Variants in AIG1 observed in about 807,000 individuals in gnomAD.
The protein encoded by AIG1 is androgen induced 1.
A neutral mutation model predicts 31.4 loss-of-function variants in AIG1; 23 were observed. That is an observed-to-expected ratio of 0.73 (90% CI 0.53 to 1.04). The LOEUF is 1.04. AIG1 is among the 50% of genes least tolerant of loss of function. The pLI, the probability that AIG1 is intolerant of heterozygous loss-of-function variation, is 0.00. For missense variants in AIG1, 274 were observed against 295.0 expected, an observed-to-expected ratio of 0.93 and a Z score of 0.52; for synonymous variants, 100 against 110.5, an observed-to-expected ratio of 0.90 and a Z score of 0.60.
At chr6:143,252,754 A>G (rs1021233501) in intron 3 of AIG1, among the ~76,000 whole-genome samples, 20 of 152,334 alleles carry the variant, frequency 1.3e-4, no homozygotes, top group African/African-American at 4.8e-4. Flanking sequence ...CGATTTCTGT[A>G]GATCAGGATT....
rs1397316199 is a variant in AIG1, at chr6:143,292,004, C to T, written c.515+7779C>T. 1.3e-5 allele frequency among the ~76,000 whole-genome samples: 2 copies of T among 152,126 alleles called. No homozygotes were observed. The highest frequency in any genetic ancestry group is 1.3e-4 in the Admixed American group (2 of 15,268). On this transcript the variant is annotated intron_variant, in intron 4 of 5. Transcript: ENST00000357847. This position sits in a 1 kb window ranked among gnomAD's most constrained non-coding sequence, Gnocchi z 4.9. ...AGAAGAGAAGGCTATAGAAGAAATCCTGATAAGAGATGAAGTGGCCTGGAC... is the reference window on the plus strand; with the variant it reads ...AGAAGAGAAGGCTATAGAAGAAATCTTGATAAGAGATGAAGTGGCCTGGAC...
downstream of AIG1, chr6:143,342,392 A>G: frequency 1.4e-6 from 1 of 701,820 alleles, no homozygotes; most frequent in Non-Finnish European, 2.6e-6. Context: ...TTATTCAGAA[A>G]AAAATGTGGT....
At position 143,249,265 on chromosome 6, in the gene AIG1, C is replaced by T. The variant is rs191460716; in HGVS notation, c.400-34845C>T. Among the ~76,000 whole-genome samples the T allele has an allele frequency of 1.3e-4, 20 of 152,330 alleles. No individual in the cohort carries two copies. The East Asian group carries it at 3.9e-3, about 29-fold the overall frequency. ...AAAGGTTGGTTTGAAGCTCTTTCCT[C>T]AATACACTGTCAGTAACATAGTGAC... is the stretch of plus-strand genomic sequence containing the variant. On this transcript the variant is annotated intron_variant, in intron 3 of 5. Coordinates refer to ENST00000357847, the MANE Select transcript of AIG1 (RefSeq NM_016108.4).
At position 143,175,828 on chromosome 6, in the gene AIG1, C is replaced by T. The variant is rs111927042; in HGVS notation, c.399+10645C>T. Among the ~76,000 whole-genome samples the T allele has an allele frequency of 9.2e-3, 1,398 of 152,254 alleles. 16 individuals carry two copies. Among genetic ancestry groups the T allele is most frequent in the African/African-American group, 0.029 (1,184 of 41,540 alleles). On this transcript the variant is annotated intron_variant, in intron 3 of 5. Transcript: ENST00000357847. Reference sequence around the variant, plus strand: ...TGGCAATTCGGGGATTTCATCTTGGCTTGGATCCATTGCTGGTGAGCTACT... The same window carrying T: ...TGGCAATTCGGGGATTTCATCTTGGTTTGGATCCATTGCTGGTGAGCTACT...
At chr6:143,171,441 TAA>T (rs1491556127) in intron 3 of AIG1, among the ~76,000 whole-genome samples, 7 of 86,516 alleles carry the variant, frequency 8.1e-5, no homozygotes, top group African/African-American at 3.9e-4. Flanking sequence ...AATATATATA[TAA>T]TATATATATT....
At chr6:143,252,673 G>A (rs1795091678) in intron 3 of AIG1, among the ~76,000 whole-genome samples, 1 of 152,190 alleles carries the variant, frequency 6.6e-6, no homozygotes, top group Non-Finnish European at 1.5e-5. Context: ...TGGTTAGATC[G>A]TTTTCTGTTT....
At chr6:143,290,720 A>G (rs1371918000) in intron 4 of AIG1, among the ~76,000 whole-genome samples, 3 of 152,116 alleles carry the variant, frequency 2.0e-5, no homozygotes, top group South Asian at 2.1e-4. Flanking sequence ...CCGACTGACC[A>G]TCACCTGATG....
At chr6:143,322,897 T>A (rs983815661) in intron 4 of AIG1, among the ~76,000 whole-genome samples, 13 of 152,150 alleles carry the variant, frequency 8.5e-5, no homozygotes, top group African/African-American at 3.1e-4. Flanking sequence ...TACAGAAAAA[T>A]ATTATATATT....
At chr6:143,226,648 T>C (rs1792985303) in intron 3 of AIG1, among the ~76,000 whole-genome samples, 1 of 152,182 alleles carries the variant, frequency 6.6e-6, no homozygotes, top group Non-Finnish European at 1.5e-5. Context: ...TTCATCTCAG[T>C]GTGTGTTTTT....
chr6:143,196,298 A>T lies in AIG1; in HGVS notation c.399+31115A>T, dbSNP rs1790216301. ...GGGGAGGAGAGAGAATCTTTAAAAT[A>T]ATCTCCCATTTGTGCCTTCTCATTT... On this transcript the variant is annotated intron_variant, in intron 3 of 5. Transcript: ENST00000357847. 2.6e-5 allele frequency among the ~76,000 whole-genome samples: 4 copies of T among 151,922 alleles called. No individual in the cohort carries two copies. In the South Asian group the frequency reaches 8.3e-4, roughly 32 times the overall value.
intron 3 of AIG1, among the ~76,000 whole-genome samples, chr6:143,254,708 G>A (rs1795255929): frequency 6.6e-6 from 1 of 152,098 alleles, no homozygotes. Context: ...TGCTTTGTGA[G>A]GCACTTAAAA....
intron 3 of AIG1, among the ~76,000 whole-genome samples, chr6:143,264,389 T>A (rs1796010985): frequency 6.6e-6 from 1 of 152,172 alleles, no homozygotes; most frequent in Admixed American, 6.5e-5. Context: ...TATGAGATGT[T>A]CTCAGCAGGC....
intron 1 of AIG1, among the ~76,000 whole-genome samples, chr6:143,103,415 A>G (rs1318969617): frequency 1.3e-5 from 2 of 151,840 alleles, no homozygotes; most frequent in Admixed American, 6.6e-5. Context: ...GGGGAAGTCA[A>G]TGGCTGTATT....
chr6:143,296,975 G>T (rs1450923351), intron 4 of AIG1, among the ~76,000 whole-genome samples: 2 of 152,222 alleles, frequency 1.3e-5, no homozygotes, highest in African/African-American at 4.8e-5. Flanking sequence ...CATTATGCCA[G>T]GTGCAGGAGG....
At chr6:143,231,599 T>C (rs1793453472) in intron 3 of AIG1, among the ~76,000 whole-genome samples, 1 of 152,194 alleles carries the variant, frequency 6.6e-6, no homozygotes, top group African/African-American at 2.4e-5. Context: ...GCAAACCAGA[T>C]TAAACAGAAG....
intron 4 of AIG1, among the ~76,000 whole-genome samples, chr6:143,317,116 T>A (rs1002263628): frequency 6.6e-6 from 1 of 151,918 alleles, no homozygotes; most frequent in African/African-American, 2.4e-5. Context: ...TTGACACTAT[T>A]CAAAAAAGTA....
intron 1 of AIG1, among the ~76,000 whole-genome samples, chr6:143,075,904 C>T (rs1009674068): frequency 1.3e-5 from 2 of 152,100 alleles, no homozygotes; most frequent in Admixed American, 1.3e-4. Context: ...TGGTTTACTT[C>T]TAATTTAATT....
chr6:143,180,765 T>A (rs1055225202), intron 3 of AIG1, among the ~76,000 whole-genome samples: 2 of 152,218 alleles, frequency 1.3e-5, no homozygotes, highest in Admixed American at 6.5e-5. Context: ...TCATTTCCCA[T>A]GTAATTTATG....
intron 3 of AIG1, among the ~76,000 whole-genome samples, chr6:143,201,195 A>G (rs1228116128): frequency 6.6e-6 from 1 of 152,044 alleles, no homozygotes; most frequent in Non-Finnish European, 1.5e-5. Context: ...TGTAGTCCTT[A>G]AAAAGAAAAG....
Sources: allele counts gnomAD v4.1 joint callset (sites outside exome capture counted in the v4.1 genomes callset), GRCh38; gene constraint gnomAD v4.1.1; non-coding constraint Gnocchi (gnomAD v3.1); transcripts MANE v1.5; gene names NCBI Gene and HGNC (gene_info 2026-07-23, HGNC 2026-07-21).